The following MARK3 variants were observed in gnomAD, a reference collection of about 807,000 sequenced individuals.
MARK3 encodes MAP/microtubule affinity-regulating kinase 3.
In MARK3, 46 loss-of-function variants were observed where a neutral mutation model predicts 90.1. The observed-to-expected ratio is 0.51, with a 90% CI of 0.40 to 0.65. MARK3 has a LOEUF of 0.65. Among genes scored for constraint, MARK3 ranks in the 30% least tolerant of loss-of-function variants. The pLI is 0.00. For synonymous variants in MARK3, 321 were observed against 332.6 expected (o/e 0.97, Z 0.38); for missense variants, 818 against 947.2 (o/e 0.86, Z 1.79).
chr14:103,393,413 A>G (rs1339473157), intron 1 of MARK3, among the ~76,000 whole-genome samples: 2 of 152,170 alleles, frequency 1.3e-5, no homozygotes, highest in African/African-American at 2.4e-5. Context: ...TGAGGCCAGG[A>G]GTTCCAGTCG....
chr14:103,502,085 A>C (rs1174275721), intron 17 of MARK3, among the ~76,000 whole-genome samples: 1 of 152,196 alleles, frequency 6.6e-6, no homozygotes, highest in African/African-American at 2.4e-5. Flanking sequence ...TAATGACTAA[A>C]TGCCAAGGAG....
rs777996242 is a variant in MARK3, at chr14:103,467,087, G to A, written c.1006G>A (p.Val336Met). ...TTATGCCCTTCTTTTAGATATTATG[G>A]TGGGAATGGGATATTCACAAGAAGA... ...ISDQKRIDIMVGMGYSQEEIQ... is the reference protein window; with the variant it reads ...ISDQKRIDIMMGMGYSQEEIQ... The change falls in exon 11 of 18, where the codon GTG (valine) becomes ATG (methionine). Residue 336 changes from valine to methionine, a missense_variant. Physicochemically the swap from Val to Met is conservative, Grantham distance 21 (BLOSUM62 1). Around this residue, in one of 3 missense-constraint regions of MARK3, gnomAD observed 560 missense variants for 613.5 expected, o/e 0.91. Coordinates refer to ENST00000429436, the MANE Select transcript of MARK3 (RefSeq NM_001128918.3). 8 of 1,482,634 alleles carry A rather than the reference G, an allele frequency of 5.4e-6. No individual in the cohort carries two copies. In the Admixed American group the frequency reaches 1.4e-4, roughly 25 times the overall value. 91.8% of individuals were successfully genotyped at this position (1,482,634 alleles called of 1,614,324 possible). A position where few individuals can be genotyped will look rare whatever the true frequency, so the allele number is the denominator to read the frequency against.
chr14:103,418,219 CTTTTTTT>C (rs36012703), intron 2 of MARK3, among the ~76,000 whole-genome samples: 1 of 61,654 alleles, frequency 1.6e-5, no homozygotes, highest in Non-Finnish European at 3.1e-5. Flanking sequence ...ATAGTAAAGG[CTTTTTTT>C]TTTTTTTTTT....
chr14:103,431,466 A>G (rs1027395398), intron 3 of MARK3, among the ~76,000 whole-genome samples: 4 of 152,178 alleles, frequency 2.6e-5, no homozygotes, highest in African/African-American at 9.6e-5. Flanking sequence ...CCGCGTCTCT[A>G]CTAAAAATAC....
Position 103,465,469 on chromosome 14 carries a change from A to G in MARK3, c.541-88A>G, listed in dbSNP as rs146492362. The G allele has an allele frequency of 7.3e-4, 633 of 872,546 alleles. 2 individuals are homozygous for G. In the African/African-American group the frequency reaches 9.4e-3, roughly 13 times the overall value. 54.1% of individuals were successfully genotyped at this position (872,546 alleles called of 1,614,324 possible). A position where few individuals can be genotyped will look rare whatever the true frequency, so the allele number is the denominator to read the frequency against. On this transcript the variant is annotated intron_variant, in intron 7 of 17. Transcript: ENST00000429436. The stretch of plus-strand genomic sequence containing the variant: ...TTAGGAGGTAACTTCATATCATTAC[A>G]GAAAGCTTTTCTAAAATGCCTAATC...
At chr14:103,422,726 TTAA>T (rs980994454) in intron 2 of MARK3, among the ~76,000 whole-genome samples, 19 of 152,336 alleles carry the variant, frequency 1.2e-4, no homozygotes, top group African/African-American at 4.1e-4. Flanking sequence ...TTAGAGTATT[TTAA>T]TAATAGTGTA....
At chr14:103,457,451 T>G (rs2093300849) in intron 6 of MARK3, among the ~76,000 whole-genome samples, 1 of 152,178 alleles carries the variant, frequency 6.6e-6, no homozygotes, top group Admixed American at 6.5e-5. Flanking sequence ...TAACCTTCCC[T>G]TTTTACAACT....
chr14:103,500,779 G>A (rs1282569572), intron 17 of MARK3, among the ~76,000 whole-genome samples: 1 of 151,872 alleles, frequency 6.6e-6, no homozygotes, highest in Non-Finnish European at 1.5e-5. Flanking sequence ...CTGCCACCAT[G>A]CTGGCTAATT....
At chr14:103,392,808 T>TC (rs983726807) in intron 1 of MARK3, among the ~76,000 whole-genome samples, 2 of 149,322 alleles carry the variant, frequency 1.3e-5, no homozygotes, top group African/African-American at 4.9e-5. Context: ...TTAATTAGCT[T>TC]TTTTTTTTTT....
intron 2 of MARK3, among the ~76,000 whole-genome samples, chr14:103,405,985 G>A (rs1416550231): frequency 6.6e-6 from 1 of 151,966 alleles, no homozygotes; most frequent in African/African-American, 2.4e-5. Flanking sequence ...CAACCTCCTG[G>A]GGTCAGGCAG....
intron 1 of MARK3, among the ~76,000 whole-genome samples, chr14:103,402,342 C>T (rs2091011296): frequency 6.6e-6 from 1 of 151,978 alleles, no homozygotes; most frequent in Non-Finnish European, 1.5e-5. Flanking sequence ...CACTTAAGGT[C>T]AGGAGTTCGA....
intron 2 of MARK3, among the ~76,000 whole-genome samples, chr14:103,424,394 A>G (rs571769500): frequency 1.3e-5 from 2 of 151,720 alleles, no homozygotes; most frequent in Non-Finnish European, 2.9e-5. Flanking sequence ...ACATGGTGGC[A>G]CGTGCCTATA....
intron 1 of MARK3, among the ~76,000 whole-genome samples, chr14:103,387,517 C>G (rs1455782131): frequency 6.6e-6 from 1 of 152,046 alleles, no homozygotes; most frequent in African/African-American, 2.4e-5. Flanking sequence ...TTTTTTGAGA[C>G]AGACCGAGAC....
At chr14:103,483,735 A>C (rs1230722106) in intron 14 of MARK3, among the ~76,000 whole-genome samples, 2 of 152,172 alleles carry the variant, frequency 1.3e-5, no homozygotes, top group African/African-American at 4.8e-5. Context: ...TTCTGCTGTA[A>C]TTATTCTGCC....
intron 1 of MARK3, among the ~76,000 whole-genome samples, chr14:103,395,906 C>T (rs2090551005): frequency 6.6e-6 from 1 of 152,156 alleles, no homozygotes; most frequent in Non-Finnish European, 1.5e-5. Context: ...TTGAATACAA[C>T]AGTGGGACAC....
In MARK3 at chr14:103,452,712, C is replaced by A. The variant is rs2093181383; in HGVS notation, c.412+729C>A. The stretch of plus-strand genomic sequence containing the variant: ...GGTCTCGATCTCCTGACCTCGTGAT[C>A]CGCCCGCCTCGGCCTCCCAAAGTGC... On this transcript the variant is annotated intron_variant, in intron 5 of 17. Coordinates refer to ENST00000429436, the MANE Select transcript of MARK3 (RefSeq NM_001128918.3). 2.6e-5 allele frequency among the ~76,000 whole-genome samples: 4 copies of A among 152,016 alleles called. No individual in the cohort carries two copies. In the South Asian group the frequency reaches 8.3e-4, roughly 31 times the overall value.
chr14:103,410,574 G>A (rs1028308416), intron 2 of MARK3, among the ~76,000 whole-genome samples: 4 of 152,118 alleles, frequency 2.6e-5, no homozygotes, highest in African/African-American at 9.7e-5. Context: ...AGTAGCTCAT[G>A]CCTGTATTCA....
At chr14:103,397,149 A>G (rs1306822589) in intron 1 of MARK3, among the ~76,000 whole-genome samples, 1 of 152,060 alleles carries the variant, frequency 6.6e-6, no homozygotes, top group Non-Finnish European at 1.5e-5. Flanking sequence ...GCATTAGAGT[A>G]TTCACTCTGA....
At chr14:103,423,548 T>C (rs2092299906) in intron 2 of MARK3, among the ~76,000 whole-genome samples, 1 of 152,170 alleles carries the variant, frequency 6.6e-6, no homozygotes, top group Non-Finnish European at 1.5e-5. Context: ...AGGGGTGGTC[T>C]TCTCTCCAGT....
Sources: allele counts gnomAD v4.1 joint callset (sites outside exome capture counted in the v4.1 genomes callset), GRCh38; gene constraint gnomAD v4.1.1; regional missense constraint gnomAD v4.1.1; transcripts MANE v1.5; gene names NCBI Gene and HGNC (gene_info 2026-07-23, HGNC 2026-07-21).